Variants in SEMA5A observed in about 807,000 individuals in gnomAD.
SEMA5A encodes the protein semaphorin 5A.
Under a neutral mutation model 135.5 loss-of-function variants are expected in SEMA5A, and 55 were observed. That is an observed-to-expected ratio of 0.41 (90% CI 0.33 to 0.51). The LOEUF is 0.51. SEMA5A is among the 20% of genes least tolerant of loss of function. The pLI is 0.37. For synonymous variants in SEMA5A, 580 were observed against 546.5 expected, an observed-to-expected ratio of 1.06 and a Z score of -0.85; for missense variants, 1,290 against 1,419.9, an observed-to-expected ratio of 0.91 and a Z score of 1.47.
chr5:9,040,004 C>T lies in SEMA5A; in HGVS notation c.*2893G>A, dbSNP rs1214833192. The T allele has an allele frequency of 6.6e-6, 1 of 152,144 alleles. No homozygotes were observed. Among genetic ancestry groups the T allele is most frequent in the Non-Finnish European group, 1.5e-5 (1 of 68,028 alleles). The allele number at this position is 152,144 out of a possible 1,614,324, so 9.4% of individuals were successfully genotyped here. A position where few individuals can be genotyped will look rare whatever the true frequency, so the allele number is the denominator to read the frequency against. ...AAATGTAAGACTAAAGCCAAGCCAGCTTCCTCATGAAAACCAGCCTATCTC... is the reference window on the plus strand; with the variant it reads ...AAATGTAAGACTAAAGCCAAGCCAGTTTCCTCATGAAAACCAGCCTATCTC... On this transcript the variant is annotated 3_prime_UTR_variant, in exon 23 of 23. Coordinates refer to ENST00000382496, the MANE Select transcript of SEMA5A (RefSeq NM_003966.3).
chr5:9,407,945 ACAC>A (rs1756951233), intron 2 of SEMA5A, among the ~76,000 whole-genome samples: 1 of 151,578 alleles, frequency 6.6e-6, no homozygotes, highest in East Asian at 1.9e-4. Flanking sequence ...ATCATTGTCA[ACAC>A]CACCACTATG....
chr5:9,395,953 T>G (rs995876272), intron 2 of SEMA5A, among the ~76,000 whole-genome samples: 2 of 152,134 alleles, frequency 1.3e-5, no homozygotes, highest in Admixed American at 6.5e-5. Context: ...GAATAAACAC[T>G]TCATTCTGGA....
intron 1 of SEMA5A, among the ~76,000 whole-genome samples, chr5:9,525,670 C>G (rs756478907): frequency 6.6e-6 from 1 of 152,180 alleles, no homozygotes; most frequent in Non-Finnish European, 1.5e-5. Context: ...CTCAAAATGC[C>G]CCCATTTGGT....
At position 9,062,510 on chromosome 5, in the gene SEMA5A, G is replaced by T. The variant is rs575130934; in HGVS notation, c.2518+377C>A. On this transcript the variant is annotated intron_variant, in intron 18 of 22. Transcript: ENST00000382496. ...AGACAAGGTCTCGCTCTGTTACCCA[G>T]GGTGGAGTGCAGTGGCCTGATGATG... Among the ~76,000 whole-genome samples the T allele has an allele frequency of 3.2e-3, 488 of 152,280 alleles. 2 individuals are homozygous for T. Among genetic ancestry groups the T allele is most frequent in the Non-Finnish European group, 4.2e-3 (286 of 68,026 alleles).
At chr5:9,304,069 A>G (rs1751743403) in intron 5 of SEMA5A, among the ~76,000 whole-genome samples, 1 of 152,142 alleles carries the variant, frequency 6.6e-6, no homozygotes, top group Admixed American at 6.5e-5. Context: ...TGTTCCACCA[A>G]AATTTGTTGT....
intron 8 of SEMA5A, among the ~76,000 whole-genome samples, chr5:9,217,747 C>T (rs1330325715): frequency 6.6e-6 from 1 of 152,172 alleles, no homozygotes; most frequent in African/African-American, 2.4e-5. Context: ...AGTCTTCAAG[C>T]TCTGAGATTC....
intron 16 of SEMA5A, among the ~76,000 whole-genome samples, chr5:9,105,256 T>C (rs778330466): frequency 2.6e-5 from 4 of 152,202 alleles, no homozygotes; most frequent in Non-Finnish European, 4.4e-5. Flanking sequence ...TTATTGAGAT[T>C]CAAATAAAGG....
chr5:9,410,194 G>A (rs1169794092), intron 2 of SEMA5A, among the ~76,000 whole-genome samples: 3 of 151,528 alleles, frequency 2.0e-5, no homozygotes, highest in African/African-American at 4.9e-5. Context: ...TAATAACTGG[G>A]AAAAAAATCA....
intron 1 of SEMA5A, among the ~76,000 whole-genome samples, chr5:9,483,991 G>A (rs1412918809): frequency 3.9e-5 from 6 of 152,138 alleles, no homozygotes; most frequent in Non-Finnish European, 7.4e-5. Flanking sequence ...CCAGACAGGC[G>A]CTGGGAGCTC....
At chr5:9,183,054 GT>G (rs1744609809) in intron 11 of SEMA5A, among the ~76,000 whole-genome samples, 1 of 152,110 alleles carries the variant, frequency 6.6e-6, no homozygotes, top group South Asian at 2.1e-4. Flanking sequence ...TCTTACTGTG[GT>G]TGCCTAGAAA....
chr5:9,361,832 T>TTC, intron 3 of SEMA5A, among the ~76,000 whole-genome samples: 1 of 152,294 alleles, frequency 6.6e-6, no homozygotes. Context: ...CATTCATTGT[T>TTC]TCATTAGTGG....
At chr5:9,332,220 C>T (rs114686058) in intron 4 of SEMA5A, among the ~76,000 whole-genome samples, 1,631 of 151,390 alleles carry the variant, frequency 0.011, 22 homozygotes, top group African/African-American at 0.038. Context: ...CTGGTACTCA[C>T]ATTGCGTCAG....
intron 5 of SEMA5A, among the ~76,000 whole-genome samples, chr5:9,301,347 G>A (rs996448266): frequency 1.3e-5 from 2 of 152,174 alleles, no homozygotes; most frequent in Admixed American, 6.5e-5. Flanking sequence ...AATCTGTTTC[G>A]AGAAGTTTTA....
chr5:9,147,990 C>T (rs1240852898), intron 12 of SEMA5A, among the ~76,000 whole-genome samples: 1 of 152,152 alleles, frequency 6.6e-6, no homozygotes, highest in Non-Finnish European at 1.5e-5. Context: ...GAAGCCCAGG[C>T]TTTGGGAGCT....
At chr5:9,342,344 T>C (rs568568274) in intron 3 of SEMA5A, among the ~76,000 whole-genome samples, 6 of 152,302 alleles carry the variant, frequency 3.9e-5, no homozygotes, top group Middle Eastern at 3.4e-3. Flanking sequence ...CCAATCTGAT[T>C]TGTTAGCAAA....
At chr5:9,336,112 C>A (rs369784227) in intron 4 of SEMA5A, among the ~76,000 whole-genome samples, 1 of 152,046 alleles carries the variant, frequency 6.6e-6, no homozygotes, top group Admixed American at 6.6e-5. Flanking sequence ...GGGAGTTTAC[C>A]AAGCAGATAA....
chr5:9,109,511 A>G (rs1001422049), intron 15 of SEMA5A, among the ~76,000 whole-genome samples: 8 of 152,326 alleles, frequency 5.3e-5, no homozygotes, highest in East Asian at 3.9e-4. Flanking sequence ...TTCATAGTCC[A>G]TCTAAGAAGC....
rs1182123409 is a variant in SEMA5A, at chr5:9,041,029, T to TCTGA, written c.*1864_*1867dup. On this transcript the variant is annotated 3_prime_UTR_variant, in exon 23 of 23. Coordinates refer to ENST00000382496, the MANE Select transcript of SEMA5A (RefSeq NM_003966.3). ...GAGCATGTGCATATAGACAGAAGAC[T>TCTGA]CTGACATATGAGGAATGAGTGAGAG... 1 of 152,206 alleles carries TCTGA rather than the reference T, an allele frequency of 6.6e-6. No homozygotes were observed. Among genetic ancestry groups the TCTGA allele is most frequent in the Non-Finnish European group, 1.5e-5 (1 of 68,046 alleles). 9.4% of individuals were successfully genotyped at this position (152,206 alleles called of 1,614,324 possible). A position where few individuals can be genotyped will look rare whatever the true frequency, so the allele number is the denominator to read the frequency against.
In SEMA5A at chr5:9,513,255, C is replaced by T. The variant is rs374917256; in HGVS notation, c.-175+32329G>A. Among the ~76,000 whole-genome samples, 58 of 151,166 alleles carry T rather than the reference C, an allele frequency of 3.8e-4. 2 individuals are homozygous for T. In the East Asian group the frequency reaches 5.8e-3, roughly 15 times the overall value. On this transcript the variant is annotated intron_variant, in intron 1 of 22. Coordinates refer to ENST00000382496, the MANE Select transcript of SEMA5A (RefSeq NM_003966.3). ...ATTTAGGGATGTTAATAATTCATTC[C>T]GATAATAGTATTAAACCAGAAAACT...
Sources: gnomAD v4.1 joint callset for allele counts (sites outside exome capture counted in the v4.1 genomes callset) on GRCh38, gnomAD v4.1.1 for gene constraint, MANE v1.5 for transcripts, NCBI Gene and HGNC (gene_info 2026-07-23, HGNC 2026-07-21) for gene names.